Variants in RAB40C observed in about 807,000 individuals in gnomAD.
The protein encoded by RAB40C is RAB40C, member RAS oncogene family.
A neutral mutation model predicts 28.1 loss-of-function variants in RAB40C; 8 were observed. The ratio of observed to expected loss-of-function variants is 0.28; its 90% CI spans 0.17 to 0.51. The LOEUF (loss-of-function observed/expected upper bound fraction) is 0.51, where lower values mean the gene tolerates loss of function less well. Ranked by LOEUF, RAB40C falls within the 20% of genes least tolerant of loss-of-function variation. The probability of loss-of-function intolerance (pLI) is 0.97; values close to 1 mark genes in which losing one functional copy is unlikely to be tolerated. For missense variants in RAB40C, 288 were observed against 405.9 expected (o/e 0.71, Z 2.50); for synonymous variants, 201 against 171.7 (o/e 1.17, Z -1.34).
intron 3 of RAB40C, among the ~76,000 whole-genome samples, chr16:619,227 A>G (rs1370016574): frequency 6.7e-6 from 1 of 148,760 alleles, no homozygotes; most frequent in Non-Finnish European, 1.5e-5. Context: ...GCATGTGCAC[A>G]GGTCTGGCGG....
chr16:610,961 A>AGGCC lies in RAB40C; in HGVS notation c.143-6245_143-6242dup, dbSNP rs148481780. Among the ~76,000 whole-genome samples the AGGCC allele has an allele frequency of 6.6e-6, 1 of 152,306 alleles. No individual in the cohort carries two copies. Among genetic ancestry groups the AGGCC allele is most frequent in the African/African-American group, 2.4e-5 (1 of 41,568 alleles). ...ACTCGGCTGACTGTGCTTAGAGAACAGGCCGCTGTTTGTGTCTAAATGGTA... is the reference window on the plus strand; with the variant it reads ...ACTCGGCTGACTGTGCTTAGAGAACAGGCCGGCCGCTGTTTGTGTCTAAATGGTA... On this transcript the variant is annotated intron_variant, in intron 1 of 5. Coordinates refer to ENST00000248139, the MANE Select transcript of RAB40C (RefSeq NM_021168.5). This position sits in a 1 kb window ranked among gnomAD's most constrained non-coding sequence, Gnocchi z 4.6.
At position 629,260 on chromosome 16, in the gene RAB40C, G is replaced by C. The variant is rs2036907324; in HGVS notation, c.*1638G>C. 1 of 308,336 alleles carries C rather than the reference G, an allele frequency of 3.2e-6. No individual in the cohort carries two copies. Among genetic ancestry groups the C allele is most frequent in the Non-Finnish European group, 6.6e-6 (1 of 151,976 alleles). 19.1% of individuals were successfully genotyped at this position (308,336 alleles called of 1,614,324 possible). A position where few individuals can be genotyped will look rare whatever the true frequency, so the allele number is the denominator to read the frequency against. On this transcript the variant is annotated 3_prime_UTR_variant, in exon 6 of 6. Transcript: ENST00000248139. ...TTCTTTGTACAGTAAATGTAATTCA[G>C]CTGTGGTCCCCACGTTTTGCTGTGT...
chr16:591,631 C>T (rs1461083298), intron 1 of RAB40C, among the ~76,000 whole-genome samples: 3 of 148,296 alleles, frequency 2.0e-5, no homozygotes, highest in African/African-American at 5.0e-5. Flanking sequence ...CTCACTCTGT[C>T]GCCAGGCTGG....
chr16:600,120 C>G (rs2036218604), intron 1 of RAB40C, among the ~76,000 whole-genome samples: 1 of 152,230 alleles, frequency 6.6e-6, no homozygotes, highest in Non-Finnish European at 1.5e-5. Flanking sequence ...TTTGGGACTC[C>G]CATGGCCCCC....
At chr16:604,147 G>T (rs1393902735) in intron 1 of RAB40C, among the ~76,000 whole-genome samples, 1 of 149,786 alleles carries the variant, frequency 6.7e-6, no homozygotes, top group Non-Finnish European at 1.5e-5. Flanking sequence ...TCTACCTCTT[G>T]GGCTCAACTG....
chr16:607,878 G>A (rs375317511), intron 1 of RAB40C, among the ~76,000 whole-genome samples: 2 of 152,162 alleles, frequency 1.3e-5, no homozygotes, highest in African/African-American at 2.4e-5. Flanking sequence ...ACCTAGTAAA[G>A]CAAACGCCTC....
At chr16:596,256 A>G (rs1419604735) in intron 1 of RAB40C, 2 of 454,284 alleles carry the variant, frequency 4.4e-6, no homozygotes, top group Non-Finnish European at 8.9e-6. Flanking sequence ...GGTGGGCGGG[A>G]AGGACACAAG....
chr16:590,535 G>C, intron 1 of RAB40C, 102 bp downstream of exon 1: 1 of 1,341,250 alleles, frequency 7.5e-7, no homozygotes, highest in Non-Finnish European at 9.6e-7. Context: ...GCCGCCGAAC[G>C]TTCCCAGGAA....
At chr16:625,074 A>C (rs1459429485) in intron 3 of RAB40C, 1 of 1,288,884 alleles carries the variant, frequency 7.8e-7, no homozygotes, top group Admixed American at 2.4e-5. Context: ...TCACTGATGG[A>C]CTGGCCGAGA....
chr16:607,125 C>G (rs1414605703), intron 1 of RAB40C, among the ~76,000 whole-genome samples: 1 of 152,234 alleles, frequency 6.6e-6, no homozygotes, highest in Admixed American at 6.5e-5. Context: ...CTGACAGTCC[C>G]TGGGCAGATT....
chr16:619,205 G>A lies in RAB40C; in HGVS notation c.264+945G>A, dbSNP rs563868809. Among the ~76,000 whole-genome samples the A allele has an allele frequency of 1.1e-4, 15 of 137,496 alleles. No individual in the cohort carries two copies. The South Asian group carries it at 2.2e-3, about 20-fold the overall frequency. 90.2% of individuals were successfully genotyped at this position (137,496 alleles called of 152,430 possible). A position where few individuals can be genotyped will look rare whatever the true frequency, so the allele number is the denominator to read the frequency against. On this transcript the variant is annotated intron_variant, in intron 3 of 5. Transcript: ENST00000248139. ...GTGTAGTGGGTGCACTCAGGGCCATGTGTGTGTGCAGGCATGTGCACAGGT... is the reference window on the plus strand; with the variant it reads ...GTGTAGTGGGTGCACTCAGGGCCATATGTGTGTGCAGGCATGTGCACAGGT...
chr16:627,195 G>A, intron 5 of RAB40C, 147 bp from the exon 6 acceptor site: 1 of 746,982 alleles, frequency 1.3e-6, no homozygotes, highest in Admixed American at 2.9e-5. Context: ...AGAGAAGTTT[G>A]GGCGTCCAGG....
Position 627,339 on chromosome 16 carries a change from C to A in RAB40C, c.566-3C>A. The A allele has an allele frequency of 1.2e-6, 2 of 1,611,356 alleles. No homozygotes were observed. The highest frequency in any genetic ancestry group is 2.7e-5 in the African/African-American group (2 of 75,048). On this transcript the variant is annotated splice_polypyrimidine_tract_variant and splice_region_variant and intron_variant, in intron 5 of 5. Coordinates refer to ENST00000248139, the MANE Select transcript of RAB40C (RefSeq NM_021168.5). The stretch of plus-strand genomic sequence containing the variant: ...ATGGTCTGACACCCCCTCTGCCCCA[C>A]AGTGTTCAGCCTGCAGGACCTCTGC...
intron 1 of RAB40C, among the ~76,000 whole-genome samples, chr16:604,891 C>A (rs1044944291): frequency 6.6e-6 from 1 of 152,144 alleles, no homozygotes; most frequent in Non-Finnish European, 1.5e-5. Flanking sequence ...GAAACCGTAT[C>A]TCTACTAAAA....
At chr16:592,863 C>T (rs930071086) in intron 1 of RAB40C, among the ~76,000 whole-genome samples, 1 of 152,260 alleles carries the variant, frequency 6.6e-6, no homozygotes, top group Non-Finnish European at 1.5e-5. Context: ...TCCCTGTCCC[C>T]TTCGTCGGGC....
chr16:624,078 T>G, intron 3 of RAB40C: 1 of 985,494 alleles, frequency 1.0e-6, no homozygotes, highest in Non-Finnish European at 1.2e-6. Context: ...TCACTGCCGC[T>G]TACTCAGCTG....
intron 1 of RAB40C, among the ~76,000 whole-genome samples, chr16:597,752 G>C (rs115606615): frequency 0.025 from 3,727 of 151,760 alleles, 71 homozygotes; most frequent in African/African-American, 0.06. Context: ...GCTTCCCAAA[G>C]TTGGTGGAAT....
At chr16:626,335 A>AC (rs985518239) in intron 5 of RAB40C, among the ~76,000 whole-genome samples, 4 of 150,758 alleles carry the variant, frequency 2.7e-5, no homozygotes, top group African/African-American at 7.3e-5. Flanking sequence ...GCAGCTGATG[A>AC]CCCCCCCTCA....
At chr16:589,515 A>G (rs1006131722), upstream of RAB40C, 1 of 152,070 alleles carries the variant, frequency 6.6e-6, no homozygotes, top group African/African-American at 2.4e-5. Flanking sequence ...GATACAAACA[A>G]CGTGGACTTC....
Sources: allele counts gnomAD v4.1 joint callset (sites outside exome capture counted in the v4.1 genomes callset), GRCh38; gene constraint gnomAD v4.1.1; non-coding constraint Gnocchi (gnomAD v3.1); transcripts MANE v1.5; gene names NCBI Gene and HGNC (gene_info 2026-07-23, HGNC 2026-07-21).